The following FOCAD variants were observed in gnomAD, a reference collection of about 807,000 sequenced individuals.
FOCAD encodes focadhesin, also known as KIAA1797.
A neutral mutation model predicts 225.6 loss-of-function variants in FOCAD; 198 were observed. That is an observed-to-expected ratio of 0.88 (90% CI 0.78 to 0.99). The LOEUF is 0.99. FOCAD is among the 50% of genes least tolerant of loss of function. The probability of loss-of-function intolerance (pLI) is 0.00; values close to 1 mark genes in which losing one functional copy is unlikely to be tolerated. For missense variants in FOCAD, 2,713 were observed against 2,123.6 expected, an observed-to-expected ratio of 1.28 and a Z score of -5.46; for synonymous variants, 897 against 755.0, an observed-to-expected ratio of 1.19 and a Z score of -3.08.
chr9:20,850,339 A>T (rs1334659050), intron 15 of FOCAD, among the ~76,000 whole-genome samples: 1 of 151,914 alleles, frequency 6.6e-6, no homozygotes, highest in Admixed American at 6.6e-5. Context: ...TTTAGGAGGT[A>T]CAAGTGCAGG....
chr9:20,796,442 G>A (rs1025190974), intron 11 of FOCAD, among the ~76,000 whole-genome samples: 1 of 152,190 alleles, frequency 6.6e-6, no homozygotes, highest in Non-Finnish European at 1.5e-5. Context: ...CAGTGTAAAA[G>A]TGTTCCTGTT....
At chr9:20,665,549 A>G (rs1323918151) in intron 2 of FOCAD, among the ~76,000 whole-genome samples, 2 of 152,342 alleles carry the variant, frequency 1.3e-5, no homozygotes, top group Admixed American at 1.3e-4. Context: ...TTATATGTCT[A>G]TACAATTATT....
chr9:20,993,198 C>T, intron 42 of FOCAD, 55 bp from the exon 43 acceptor site: 1 of 1,435,954 alleles, frequency 7.0e-7, no homozygotes, highest in Non-Finnish European at 9.8e-7. Flanking sequence ...AATAACTGTT[C>T]TTTTGCTGAT....
At chr9:20,815,223 C>T (rs1449401994) in intron 11 of FOCAD, among the ~76,000 whole-genome samples, 1 of 145,794 alleles carries the variant, frequency 6.9e-6, no homozygotes, top group East Asian at 2.0e-4. Flanking sequence ...CACCCTCTGC[C>T]TCCTGGTTCA....
intron 28 of FOCAD, among the ~76,000 whole-genome samples, chr9:20,937,494 A>C (rs1034049159): frequency 3.8e-4 from 58 of 152,030 alleles, no homozygotes; most frequent in African/African-American, 1.0e-3. Context: ...TTCCCTATTT[A>C]ATAAATGGTG....
At chr9:20,694,666 AGATT>A (rs1434674912) in intron 1 of FOCAD, 3 of 152,212 alleles carry the variant, frequency 2.0e-5, no homozygotes, top group African/African-American at 7.2e-5. Context: ...AAACATACAC[AGATT>A]AATAGGGAAT....
chr9:20,696,022 G>A (rs1186382964), intron 1 of FOCAD, among the ~76,000 whole-genome samples: 1 of 152,216 alleles, frequency 6.6e-6, no homozygotes, highest in African/African-American at 2.4e-5. Flanking sequence ...AAGAATTTAG[G>A]AGACTCATGC....
At chr9:20,726,453 A>T (rs1826206541) in intron 4 of FOCAD, 1 of 152,192 alleles carries the variant, frequency 6.6e-6, no homozygotes, top group South Asian at 2.1e-4. Context: ...TATACTCTGG[A>T]TAAACCAGGC....
At chr9:20,925,367 TC>T (rs1483556036) in intron 25 of FOCAD, among the ~76,000 whole-genome samples, 1 of 152,130 alleles carries the variant, frequency 6.6e-6, no homozygotes, top group Non-Finnish European at 1.5e-5. Context: ...GGGGTCTAGC[TC>T]AGAGTTTGAG....
chr9:20,904,943 A>G (rs1176594282), intron 21 of FOCAD, among the ~76,000 whole-genome samples: 1 of 152,094 alleles, frequency 6.6e-6, no homozygotes, highest in African/African-American at 2.4e-5. Context: ...TATACAGTAT[A>G]TTAAATTGAA....
chr9:20,890,370 GT>G (rs773370674), intron 21 of FOCAD, among the ~76,000 whole-genome samples: 4,599 of 132,762 alleles, frequency 0.035, 58 homozygotes, highest in Middle Eastern at 0.056. Context: ...TTTCTGAGAG[GT>G]TTTTTTTTTT....
At chr9:20,942,186 G>A (rs781194624) in intron 28 of FOCAD, among the ~76,000 whole-genome samples, 15 of 152,126 alleles carry the variant, frequency 9.9e-5, no homozygotes, top group Non-Finnish European at 1.5e-4. Flanking sequence ...GAATAGAATC[G>A]CTAGTGAATT....
intron 2 of FOCAD, chr9:20,716,098 G>C (rs748046402): frequency 2.1e-6 from 1 of 469,012 alleles, no homozygotes; most frequent in South Asian, 1.6e-5. Flanking sequence ...GATGTCTGCT[G>C]TGGGAATTGA....
At chr9:20,872,027 C>T (rs184274571) in intron 18 of FOCAD, among the ~76,000 whole-genome samples, 4 of 151,596 alleles carry the variant, frequency 2.6e-5, no homozygotes, top group Admixed American at 2.6e-4. Context: ...AATCAGCTCA[C>T]CTATTAGAAA....
At chr9:20,700,330 A>G (rs866505712) in intron 1 of FOCAD, among the ~76,000 whole-genome samples, 1 of 152,004 alleles carries the variant, frequency 6.6e-6, no homozygotes, top group African/African-American at 2.4e-5. Context: ...CCCATTTTCC[A>G]TCTCTATTAG....
intron 35 of FOCAD, among the ~76,000 whole-genome samples, chr9:20,960,587 A>G (rs1397521669): frequency 6.7e-6 from 1 of 149,122 alleles, no homozygotes; most frequent in Non-Finnish European, 1.5e-5. Context: ...GAATCCATCT[A>G]TTTTTTTTTT....
chr9:20,724,841 T>C (rs1283883254), intron 4 of FOCAD, among the ~76,000 whole-genome samples: 1 of 152,150 alleles, frequency 6.6e-6, no homozygotes, highest in Non-Finnish European at 1.5e-5. Context: ...GGGAATCTTC[T>C]GAGACAGAAA....
intron 10 of FOCAD, among the ~76,000 whole-genome samples, chr9:20,785,774 A>G: frequency 6.6e-6 from 1 of 152,144 alleles, no homozygotes. Context: ...GATACCGAGG[A>G]GTACAACTGC....
intron 35 of FOCAD, among the ~76,000 whole-genome samples, chr9:20,974,810 G>C (rs1840090712): frequency 6.6e-6 from 1 of 151,654 alleles, no homozygotes; most frequent in Non-Finnish European, 1.5e-5. Context: ...TTTTTCCTGT[G>C]CTTCTCATTT....
Sources: gnomAD v4.1 joint callset for allele counts (sites outside exome capture counted in the v4.1 genomes callset) on GRCh38, gnomAD v4.1.1 for gene constraint, MANE v1.5 for transcripts, NCBI Gene and HGNC (gene_info 2026-07-23, HGNC 2026-07-21) for gene names.